TRAIP: variants seen among roughly 807,000 people sequenced by gnomAD.
TRAIP encodes E3 ubiquitin-protein ligase TRAIP.
TRAIP carries 37 observed loss-of-function variants against 65.0 expected under a neutral mutation model. That is an observed-to-expected ratio of 0.57 (90% CI 0.44 to 0.75). The LOEUF is 0.75. Among genes scored for constraint, TRAIP ranks in the 30% least tolerant of loss-of-function variants. The pLI is 0.00. For missense variants in TRAIP, 481 were observed against 579.4 expected (o/e 0.83, Z 1.74); for synonymous variants, 187 against 219.1 (o/e 0.85, Z 1.29).
At chr3:49,847,636 G>A (rs759320277) in intron 2 of TRAIP, 28 bp from the exon 3 acceptor site, 1 of 1,545,734 alleles carries the variant, frequency 6.5e-7, no homozygotes, top group Non-Finnish European at 8.9e-7. Flanking sequence ...GTAAGAGTAT[G>A]ATTGTGTAGC....
At chr3:49,838,881 A>G (rs1240171099) in intron 10 of TRAIP, among the ~76,000 whole-genome samples, 3 of 148,274 alleles carry the variant, frequency 2.0e-5, no homozygotes, top group Non-Finnish European at 4.5e-5. Context: ...GTGAGACTCC[A>G]TCTAAAAAAA....
At chr3:49,839,169 C>T (rs2081815234) in intron 10 of TRAIP, among the ~76,000 whole-genome samples, 1 of 147,844 alleles carries the variant, frequency 6.8e-6, no homozygotes, top group Non-Finnish European at 1.5e-5. Flanking sequence ...AGCCTGGCAA[C>T]AGAGTAAGAC....
intron 10 of TRAIP, among the ~76,000 whole-genome samples, chr3:49,838,740 G>A (rs2081809796): frequency 6.6e-6 from 1 of 152,040 alleles, no homozygotes; most frequent in Admixed American, 6.6e-5. Flanking sequence ...ACAAAAATTA[G>A]CTGGGCATGG....
rs543363255 is a variant in TRAIP, at chr3:49,853,490, C to T, written c.98+2866G>A. 9.2e-5 allele frequency among the ~76,000 whole-genome samples: 14 copies of T among 152,126 alleles called. No individual in the cohort carries two copies. In the South Asian group the frequency reaches 2.9e-3, roughly 32 times the overall value. ...ATAAAACAGATGAAAAAAGATATAC[C>T]ATGCAGTCACCAAAAGACAGCTGAA... is the stretch of plus-strand genomic sequence containing the variant. On this transcript the variant is annotated intron_variant, in intron 1 of 14. Coordinates refer to ENST00000331456, the MANE Select transcript of TRAIP (RefSeq NM_005879.3).
chr3:49,841,741 G>T, intron 7 of TRAIP, 85 bp downstream of exon 7: 2 of 1,086,526 alleles, frequency 1.8e-6, no homozygotes, highest in Non-Finnish European at 2.8e-6. Context: ...AGTTCCATCT[G>T]CTTTACAAGA....
intron 1 of TRAIP, among the ~76,000 whole-genome samples, chr3:49,852,516 G>A (rs2081941671): frequency 6.6e-6 from 1 of 152,096 alleles, no homozygotes; most frequent in South Asian, 2.1e-4. Context: ...AGCACTTTGG[G>A]AGGCCGAGGC....
At position 49,841,075 on chromosome 3, in the gene TRAIP, G is replaced by T. The variant is rs749360609; in HGVS notation, c.618-3C>A. On this transcript the variant is annotated splice_region_variant and splice_polypyrimidine_tract_variant and intron_variant, in intron 7 of 14. Transcript: ENST00000331456. ...CCTCTTTTAGATTCTCGTACTCTCT[G>T]CAATGTGGCCATGGAAAGAGATGCC... is the stretch of plus-strand genomic sequence containing the variant. 1.8e-5 allele frequency: 29 copies of T among 1,613,710 alleles called. No individual in the cohort carries two copies. The South Asian group carries it at 2.6e-4, about 15-fold the overall frequency.
intron 10 of TRAIP, among the ~76,000 whole-genome samples, chr3:49,838,884 TA>T (rs533546640): frequency 2.6e-3 from 322 of 122,562 alleles, no homozygotes; most frequent in Middle Eastern, 7.0e-3. Flanking sequence ...AGACTCCATC[TA>T]AAAAAAAAAA....
intron 7 of TRAIP, among the ~76,000 whole-genome samples, chr3:49,841,346 C>T (rs75160702): frequency 0.038 from 5,842 of 152,276 alleles, 382 homozygotes; most frequent in African/African-American, 0.13. Flanking sequence ...CCTAAACCAC[C>T]TGGTCTTAAA....
At chr3:49,841,984 A>ATGGGTAGGTACCCAGTGCCGCTC (rs1230452274) in intron 6 of TRAIP, 45 bp from the exon 7 acceptor site, 1 of 1,482,550 alleles carries the variant, frequency 6.7e-7, no homozygotes, top group Non-Finnish European at 9.4e-7. Context: ...CTGGAGGCTG[A>ATGGGTAGGTACCCAGTGCCGCTC]TGGGTAGGTA....
chr3:49,835,798 G>C (rs2081780842), intron 10 of TRAIP, among the ~76,000 whole-genome samples: 1 of 151,706 alleles, frequency 6.6e-6, no homozygotes, highest in Admixed American at 6.6e-5. Flanking sequence ...AATTAGCCGG[G>C]CGTGGTGGCG....
Position 49,848,211 on chromosome 3 carries a change from A to G in TRAIP, c.99-11T>C. 3 of 1,614,140 alleles carry G rather than the reference A, an allele frequency of 1.9e-6. No homozygotes were observed. Among genetic ancestry groups the G allele is most frequent in the Non-Finnish European group, 2.5e-6 (3 of 1,179,990 alleles). On this transcript the variant is annotated splice_polypyrimidine_tract_variant and intron_variant, in intron 1 of 14. Coordinates refer to ENST00000331456, the MANE Select transcript of TRAIP (RefSeq NM_005879.3). ...AACCACTGAATTAGGCTGGAATGAAAAGCAGAACAATAGACTGATGAGCCC... is the reference window on the plus strand; with the variant it reads ...AACCACTGAATTAGGCTGGAATGAAGAGCAGAACAATAGACTGATGAGCCC...
intron 5 of TRAIP, among the ~76,000 whole-genome samples, 166 bp from the exon 6 acceptor site, chr3:49,842,713 C>T (rs1398543518): frequency 1.3e-5 from 2 of 152,168 alleles, no homozygotes; most frequent in Admixed American, 1.3e-4. Flanking sequence ...GTCCCACTCT[C>T]GCTTGTGCTT....
intron 1 of TRAIP, among the ~76,000 whole-genome samples, chr3:49,852,315 C>T (rs948012872): frequency 3.3e-5 from 5 of 151,334 alleles, no homozygotes; most frequent in Non-Finnish European, 7.4e-5. Flanking sequence ...TGCAGTGAGC[C>T]GAGATCGGAC....
chr3:49,832,279 T>G (rs1370533063), intron 10 of TRAIP, among the ~76,000 whole-genome samples: 1 of 151,942 alleles, frequency 6.6e-6, no homozygotes, highest in Non-Finnish European at 1.5e-5. Context: ...GATCAAGCGG[T>G]CAAGAGATCA....
intron 8 of TRAIP, 40 bp downstream of exon 8, chr3:49,840,945 G>A: frequency 6.3e-7 from 1 of 1,581,724 alleles, no homozygotes; most frequent in Non-Finnish European, 8.7e-7. Flanking sequence ...GACAAAAGGA[G>A]AGCCACTTCT....
chr3:49,829,216 C>T lies in TRAIP; in HGVS notation c.1297G>A (p.Val433Ile), dbSNP rs375819762. 3.7e-6 allele frequency: 6 copies of T among 1,614,086 alleles called. No homozygotes were observed. The highest frequency in any genetic ancestry group is 5.1e-6 in the Non-Finnish European group (6 of 1,180,060). ...RTKFIQPTDT[V>I]MIRPLPVKPK... ...TTAACAGGCAATGGGCGGATCATGA[C>T]TGTGTCAGTCTGGAGGAGCTGTCAA... The change falls in exon 15 of 15, where the codon GTC becomes ATC. Residue 433 changes from valine to isoleucine, a missense_variant. Physicochemically the swap from Val to Ile is conservative, Grantham distance 29 (BLOSUM62 3). Transcript: ENST00000331456.
Position 49,856,273 on chromosome 3 carries a change from T to C in TRAIP, c.98+83A>G, listed in dbSNP as rs574654419. The C allele has an allele frequency of 1.1e-5, 14 of 1,234,992 alleles. No homozygotes were observed. The Admixed American group carries it at 2.8e-4, about 25-fold the overall frequency. 76.5% of individuals were successfully genotyped at this position (1,234,992 alleles called of 1,614,324 possible). On this transcript the variant is annotated intron_variant, in intron 1 of 14. Coordinates refer to ENST00000331456, the MANE Select transcript of TRAIP (RefSeq NM_005879.3). ...CTCATCACTTGTCTGGATTCCGGGG[T>C]TGGACCGCCTGGAGGCCCAACACCT...
intron 3 of TRAIP, among the ~76,000 whole-genome samples, chr3:49,847,221 A>AAATAAAAT (rs1553619331): frequency 6.8e-6 from 1 of 146,476 alleles, no homozygotes; most frequent in African/African-American, 2.6e-5. Flanking sequence ...ATAAATAAAT[A>AAATAAAAT]AAATAAAAAA....
Sources: allele counts gnomAD v4.1 joint callset (sites outside exome capture counted in the v4.1 genomes callset), GRCh38; gene constraint gnomAD v4.1.1; transcripts MANE v1.5; gene names NCBI Gene and HGNC (gene_info 2026-07-23, HGNC 2026-07-21).